The following ATP7A variants were observed in gnomAD, a reference collection of about 807,000 sequenced individuals.
ATP7A encodes copper-transporting ATPase 1.
Under a neutral mutation model 83.5 loss-of-function variants are expected in ATP7A, and 7 were observed. The ratio of observed to expected loss-of-function variants is 0.08; its 90% CI spans 0.05 to 0.16. The LOEUF (loss-of-function observed/expected upper bound fraction) is 0.16, where lower values mean the gene tolerates loss of function less well. ATP7A is among the 10% of genes least tolerant of loss of function. The pLI is 1.00. For synonymous variants in ATP7A, 354 were observed against 395.2 expected (o/e 0.90, Z 1.24); for missense variants, 940 against 1,120.8 (o/e 0.84, Z 2.30).
At chrX:77,978,391 A>C (rs1603379828) in intron 2 of ATP7A, among the ~76,000 whole-genome samples, 2 of 111,542 alleles carry the variant, frequency 1.8e-5, no homozygotes, top group African/African-American at 6.5e-5. Context: ...GCATCATGAC[A>C]TGAAGATGCA....
In ATP7A at chrX:77,972,446, G is replaced by C. The variant is rs538873356; in HGVS notation, c.120+685G>C. 9.0e-5 allele frequency among the ~76,000 whole-genome samples: 10 copies of C among 111,171 alleles called. No individual in the cohort carries two copies. The South Asian group carries it at 3.8e-3, about 42-fold the overall frequency. On this transcript the variant is annotated intron_variant, in intron 2 of 22. Transcript: ENST00000341514. ...CAGCTCACCACAACCTCCACCTCCC[G>C]GTTCAAGCAATTCTCCTGCCTCAGC...
chrX:77,951,733 C>T (rs1266104292), intron 1 of ATP7A, among the ~76,000 whole-genome samples: 2 of 111,244 alleles, frequency 1.8e-5, no homozygotes, highest in Non-Finnish European at 3.8e-5. Context: ...GCATGCACCA[C>T]CATGCCCAGC....
intron 12 of ATP7A, among the ~76,000 whole-genome samples, chrX:78,017,228 AC>A (rs782029796): frequency 1.4e-3 from 157 of 112,407 alleles, no homozygotes; most frequent in African/African-American, 4.7e-3. Flanking sequence ...CCTGAGTTGT[AC>A]CTTGACCCCT....
intron 1 of ATP7A, among the ~76,000 whole-genome samples, chrX:77,914,713 C>T (rs782606894): frequency 1.8e-5 from 2 of 110,926 alleles, no homozygotes; most frequent in Admixed American, 9.7e-5. Flanking sequence ...CTTAAAACAC[C>T]TAGTGTTAAA....
intron 17 of ATP7A, among the ~76,000 whole-genome samples, chrX:78,037,465 G>A (rs1557237853): frequency 9.0e-6 from 1 of 111,542 alleles, no homozygotes; most frequent in African/African-American, 3.3e-5. Flanking sequence ...AAGTTCTCTT[G>A]GACTGCAGTG....
chrX:77,941,397 T>A (rs782467877), intron 1 of ATP7A, among the ~76,000 whole-genome samples: 2 of 111,589 alleles, frequency 1.8e-5, no homozygotes, highest in African/African-American at 6.5e-5. Context: ...CTATATGTCC[T>A]TAAAATTTTT....
intron 7 of ATP7A, among the ~76,000 whole-genome samples, chrX:78,010,938 TTAA>T (rs2077818553): frequency 1.8e-5 from 2 of 110,791 alleles, no homozygotes; most frequent in Non-Finnish European, 3.8e-5. Context: ...TGTACTTGAG[TTAA>T]ACTCTTATAT....
At chrX:77,950,912 C>T (rs1269058886) in intron 1 of ATP7A, among the ~76,000 whole-genome samples, 1 of 110,252 alleles carries the variant, frequency 9.1e-6, no homozygotes, top group African/African-American at 3.3e-5. Context: ...GTCCCAGCTA[C>T]TTGGGAGGCT....
At chrX:78,032,410 A>G (rs1053422830) in intron 16 of ATP7A, among the ~76,000 whole-genome samples, 10 of 112,111 alleles carry the variant, frequency 8.9e-5, no homozygotes, top group African/African-American at 3.2e-4. Context: ...GATGAATATT[A>G]CCAATATACA....
chrX:77,944,778 G>A (rs1266190103), intron 1 of ATP7A, among the ~76,000 whole-genome samples: 2 of 110,169 alleles, frequency 1.8e-5, no homozygotes, highest in Non-Finnish European at 3.8e-5. Context: ...ACTTAGCTTT[G>A]TGGACAGTTG....
intron 13 of ATP7A, 39 bp from the exon 14 acceptor site, chrX:78,020,906 G>GCTT (rs782073562): frequency 8.5e-7 from 1 of 1,175,385 alleles, no homozygotes; most frequent in Middle Eastern, 2.4e-4. Flanking sequence ...ACTTTGATAT[G>GCTT]CTTCTTCTTC....
At chrX:77,966,827 G>A in intron 1 of ATP7A, 1 of 330,099 alleles carries the variant, frequency 3.0e-6, no homozygotes, top group Middle Eastern at 4.4e-4. Flanking sequence ...AGAACGTGCA[G>A]GTTTGTTACG....
chrX:77,973,031 A>G (rs2077557455), intron 2 of ATP7A, among the ~76,000 whole-genome samples: 1 of 110,031 alleles, frequency 9.1e-6, no homozygotes, highest in Non-Finnish European at 1.9e-5. Flanking sequence ...AAGAAACTTC[A>G]TGCATATATG....
intron 1 of ATP7A, among the ~76,000 whole-genome samples, chrX:77,966,066 T>C (rs1169924423): frequency 8.9e-6 from 1 of 112,122 alleles, no homozygotes; most frequent in Non-Finnish European, 1.9e-5. Context: ...GTTCTGAAAT[T>C]GCCTGTGGTG....
At chrX:78,013,400 A>G (rs1557234799) in intron 10 of ATP7A, among the ~76,000 whole-genome samples, 1 of 111,708 alleles carries the variant, frequency 9.0e-6, no homozygotes, top group Non-Finnish European at 1.9e-5. Flanking sequence ...ACATGACCAC[A>G]TGGTTTAAAA....
At chrX:77,957,893 T>C (rs1299553812) in intron 1 of ATP7A, among the ~76,000 whole-genome samples, 2 of 110,934 alleles carry the variant, frequency 1.8e-5, no homozygotes, top group Admixed American at 9.6e-5. Context: ...AAGAGAGCAG[T>C]GTGTGTTTGT....
chrX:77,931,554 C>A lies in ATP7A; in HGVS notation c.-22+20719C>A, dbSNP rs1167892810. ...TACACCTCCCAGAGGGGGTGGTGGC[C>A]GGGCAGAGGGGCTCCTCACATCCCA... is the stretch of plus-strand genomic sequence containing the variant. On this transcript the variant is annotated intron_variant, in intron 1 of 22. Coordinates refer to ENST00000341514, the MANE Select transcript of ATP7A (RefSeq NM_000052.7). Among the ~76,000 whole-genome samples, 6 of 112,248 alleles carry A rather than the reference C, an allele frequency of 5.3e-5. No individual in the cohort carries two copies. The South Asian group carries it at 2.2e-3, about 41-fold the overall frequency.
chrX:78,024,950 A>G (rs953345697), intron 14 of ATP7A, among the ~76,000 whole-genome samples: 2 of 111,391 alleles, frequency 1.8e-5, no homozygotes, highest in African/African-American at 3.3e-5. Context: ...ACTGGTGTGT[A>G]TCCTGAACTG....
At chrX:77,940,390 G>A (rs1187898881) in intron 1 of ATP7A, among the ~76,000 whole-genome samples, 4 of 111,183 alleles carry the variant, frequency 3.6e-5, no homozygotes, top group Non-Finnish European at 7.6e-5. Context: ...AGGTAGATGA[G>A]GAAAGAGTGG....
Sources: allele counts gnomAD v4.1 joint callset (sites outside exome capture counted in the v4.1 genomes callset), GRCh38; gene constraint gnomAD v4.1.1; transcripts MANE v1.5; gene names NCBI Gene and HGNC (gene_info 2026-07-23, HGNC 2026-07-21).